Variants in CSMD2 observed in about 807,000 individuals in gnomAD.
CSMD2 encodes CUB and sushi domain-containing protein 2.
Under a neutral mutation model 398.5 loss-of-function variants are expected in CSMD2, and 130 were observed. The ratio of observed to expected loss-of-function variants is 0.33; its 90% CI spans 0.28 to 0.38. The LOEUF (loss-of-function observed/expected upper bound fraction) is 0.38, where lower values mean the gene tolerates loss of function less well. CSMD2 is among the 10% of genes least tolerant of loss of function. CSMD2 has a pLI of 1.00. For synonymous variants in CSMD2, 1,828 were observed against 1,908.5 expected, an observed-to-expected ratio of 0.96 and a Z score of 1.10; for missense variants, 3,829 against 4,764.9, an observed-to-expected ratio of 0.80 and a Z score of 5.78.
chr1:33,650,808 CAG>C (rs1228430597), intron 28 of CSMD2, among the ~76,000 whole-genome samples: 40 of 152,174 alleles, frequency 2.6e-4, no homozygotes, highest in Non-Finnish European at 2.9e-5. Context: ...CCCACCACCC[CAG>C]AGAGTTCCAA....
chr1:33,671,877 A>C (rs147152287), intron 25 of CSMD2, among the ~76,000 whole-genome samples: 1 of 152,234 alleles, frequency 6.6e-6, no homozygotes, highest in Admixed American at 6.5e-5. Context: ...TCTGAAGGAA[A>C]CTTGGACACA....
At chr1:33,549,894 C>G (rs544333640) in intron 56 of CSMD2, among the ~76,000 whole-genome samples, 11 of 152,300 alleles carry the variant, frequency 7.2e-5, no homozygotes, top group Middle Eastern at 3.4e-3. Flanking sequence ...CTGGACAGGA[C>G]TCTGGCCATA....
chr1:34,072,087 C>T (rs544564441), intron 2 of CSMD2, among the ~76,000 whole-genome samples: 70 of 152,370 alleles, frequency 4.6e-4, no homozygotes, highest in African/African-American at 1.6e-3. Flanking sequence ...CTTGGCACCA[C>T]ATCTTGTGAC....
At chr1:33,982,555 C>G (rs772734785) in intron 3 of CSMD2, among the ~76,000 whole-genome samples, 1 of 152,176 alleles carries the variant, frequency 6.6e-6, no homozygotes, top group Non-Finnish European at 1.5e-5. Flanking sequence ...AGGCACTGTA[C>G]GTCCCCAGAC....
intron 55 of CSMD2, 51 bp from the exon 56 acceptor site, chr1:33,550,401 C>T: frequency 6.4e-7 from 1 of 1,560,176 alleles, no homozygotes; most frequent in South Asian, 1.1e-5. Context: ...GATGGCTCAC[C>T]ATCACACAAT....
At chr1:34,048,959 G>A (rs1434092044) in intron 2 of CSMD2, among the ~76,000 whole-genome samples, 1 of 152,130 alleles carries the variant, frequency 6.6e-6, no homozygotes, top group African/African-American at 2.4e-5. Flanking sequence ...GGAACTAGGA[G>A]AAACAGGAGC....
intron 53 of CSMD2, among the ~76,000 whole-genome samples, chr1:33,562,589 T>C (rs1047271402): frequency 2.6e-5 from 4 of 152,186 alleles, no homozygotes; most frequent in Non-Finnish European, 4.4e-5. Flanking sequence ...GGCCATGTGA[T>C]GGTTAACTTC....
chr1:33,989,463 C>A (rs895727631), intron 3 of CSMD2, among the ~76,000 whole-genome samples: 6 of 152,160 alleles, frequency 3.9e-5, no homozygotes, highest in Admixed American at 6.5e-5. Flanking sequence ...CTAGTAATTT[C>A]ATTCCTAAGA....
At chr1:33,792,295 C>G in intron 11 of CSMD2, 128 bp downstream of exon 11, 1 of 704,894 alleles carries the variant, frequency 1.4e-6, no homozygotes, top group Middle Eastern at 2.7e-4. Context: ...ATTGCTGAAA[C>G]TAGGAACATT....
At chr1:34,113,614 G>C (rs1193020087) in intron 1 of CSMD2, among the ~76,000 whole-genome samples, 1 of 152,176 alleles carries the variant, frequency 6.6e-6, no homozygotes, top group Non-Finnish European at 1.5e-5. Context: ...GGTGCCTGGA[G>C]GAGGTGCCAG....
At chr1:33,946,769 C>G (rs577717343) in intron 3 of CSMD2, among the ~76,000 whole-genome samples, 1,750 of 54,952 alleles carry the variant, frequency 0.032, 36 homozygotes, top group African/African-American at 0.14. Context: ...CAGGCGCGCA[C>G]CACCCACCAT....
Position 33,557,994 on chromosome 1 carries a change from A to G in CSMD2, c.8555-72T>C, listed in dbSNP as rs1658196103. 5.1e-6 allele frequency: 7 copies of G among 1,373,492 alleles called. No individual in the cohort carries two copies. In the East Asian group the frequency reaches 1.8e-4, roughly 35 times the overall value. 85.1% of individuals were successfully genotyped at this position (1,373,492 alleles called of 1,614,324 possible). On this transcript the variant is annotated intron_variant, in intron 54 of 70. Transcript: ENST00000373381. The stretch of plus-strand genomic sequence containing the variant: ...AAAATCTTCCGAGCAAAACTAGGCA[A>G]TGAAGCAGACCCTGTCGGGAGGGTG...
Position 33,658,063 on chromosome 1 carries a change from C to T in CSMD2, c.4330G>A (p.Gly1444Ser), listed in dbSNP as rs200976511. Residue 1444 changes from glycine (G) to serine (S), a missense_variant, in exon 27 of 71, where the codon GGC becomes AGC. Around this residue, in one of 5 missense-constraint regions of CSMD2, gnomAD observed 2,001 missense variants for 2,567.1 expected, o/e 0.78. Coordinates refer to ENST00000373381, the MANE Select transcript of CSMD2 (RefSeq NM_001281956.2). Reference protein sequence around the residue: ...GSRSGDSWEAGDSTVFQCDPG... With the variant: ...GSRSGDSWEASDSTVFQCDPG... ...TCACACTGGAACACTGTGGAGTCGCCGGCTTCCCAACTGTCACCACTCCGA... is the reference window on the plus strand; with the variant it reads ...TCACACTGGAACACTGTGGAGTCGCTGGCTTCCCAACTGTCACCACTCCGA... The T allele has an allele frequency of 3.3e-5, 54 of 1,614,206 alleles. No individual in the cohort carries two copies. Among genetic ancestry groups the T allele is most frequent in the Middle Eastern group, 1.6e-4 (1 of 6,062 alleles).
chr1:34,001,586 A>G (rs1410966074), intron 3 of CSMD2, among the ~76,000 whole-genome samples: 3 of 152,248 alleles, frequency 2.0e-5, no homozygotes, highest in African/African-American at 7.2e-5. Context: ...GAATTCAGGG[A>G]ATACAACACC....
chr1:33,826,351 C>T (rs950485490), intron 6 of CSMD2, among the ~76,000 whole-genome samples: 3 of 152,140 alleles, frequency 2.0e-5, no homozygotes, highest in African/African-American at 7.2e-5. Context: ...TTGCTTTGGC[C>T]ATGGGAAATT....
In CSMD2 at chr1:33,846,938, G is replaced by A. The variant is rs984553907; in HGVS notation, c.979C>T (p.His327Tyr). Reference protein sequence around the residue: ...VISSKNWLRLHFTSDGNHRQR... With the variant: ...VISSKNWLRLYFTSDGNHRQR... The stretch of plus-strand genomic sequence containing the variant: ...CGGTGGTTGCCATCCGATGTGAAGT[G>A]CAGTCGCAGCCAGTTCTTGCTGCTG... The change falls in exon 6 of 71, where the codon CAC becomes TAC. Residue 327 changes from histidine (H) to tyrosine (Y), a missense_variant. By Grantham distance (83) the His-to-Tyr change is moderately conservative. Around this residue, in one of 5 missense-constraint regions of CSMD2, gnomAD observed 2,001 missense variants for 2,567.1 expected, o/e 0.78. Transcript: ENST00000373381. The A allele has an allele frequency of 1.2e-6, 2 of 1,611,108 alleles. No homozygotes were observed. The highest frequency in any genetic ancestry group is 1.1e-5 in the South Asian group (1 of 90,578).
intron 44 of CSMD2, chr1:33,591,791 A>ATTTTT (rs769180667): frequency 7.1e-6 from 1 of 141,626 alleles, no homozygotes. Flanking sequence ...CACCCAGCTA[A>ATTTTT]TTTTTTTTTT....
At chr1:33,872,035 C>T (rs1640507779) in intron 5 of CSMD2, among the ~76,000 whole-genome samples, 1 of 152,214 alleles carries the variant, frequency 6.6e-6, no homozygotes, top group Non-Finnish European at 1.5e-5. Flanking sequence ...CCTTTCAACA[C>T]TACCATATTG....
At chr1:33,594,067 TTTAAGAATTATTG>T (rs1291905434) in intron 44 of CSMD2, among the ~76,000 whole-genome samples, 4 of 152,198 alleles carry the variant, frequency 2.6e-5, no homozygotes, top group Admixed American at 1.3e-4. Context: ...TTTGTAGTCT[TTTAAGAATTATTG>T]TATTTGCACT....
Sources: allele counts gnomAD v4.1 joint callset (sites outside exome capture counted in the v4.1 genomes callset), GRCh38; gene constraint gnomAD v4.1.1; regional missense constraint gnomAD v4.1.1; transcripts MANE v1.5; gene names NCBI Gene and HGNC (gene_info 2026-07-23, HGNC 2026-07-21).